The following CACNG2 variants were observed in gnomAD, a reference collection of about 807,000 sequenced individuals.
CACNG2 encodes calcium voltage-gated channel auxiliary subunit gamma 2.
In CACNG2, 3 loss-of-function variants were observed where a neutral mutation model predicts 25.9. The ratio of observed to expected loss-of-function variants is 0.12; its 90% CI spans 0.05 to 0.30. CACNG2 has a LOEUF of 0.30. Among genes scored for constraint, CACNG2 ranks in the 10% least tolerant of loss-of-function variants. The probability of loss-of-function intolerance (pLI) is 1.00; values close to 1 mark genes in which losing one functional copy is unlikely to be tolerated. For missense variants in CACNG2, 341 were observed against 432.5 expected (o/e 0.79, Z 1.88); for synonymous variants, 167 against 173.3 (o/e 0.96, Z 0.29).
chr22:36,696,481 C>T (rs1243279495), intron 1 of CACNG2, among the ~76,000 whole-genome samples: 1 of 152,144 alleles, frequency 6.6e-6, no homozygotes, highest in Non-Finnish European at 1.5e-5. Flanking sequence ...GTGAAGGGAC[C>T]ACCCTTTCTG....
chr22:36,611,643 G>T (rs1935942107), intron 1 of CACNG2, among the ~76,000 whole-genome samples: 1 of 152,116 alleles, frequency 6.6e-6, no homozygotes, highest in Admixed American at 6.5e-5. Context: ...CACTGCTTTG[G>T]TCCCTCCAGC....
intron 1 of CACNG2, among the ~76,000 whole-genome samples, chr22:36,617,864 C>T (rs1936046231): frequency 6.6e-6 from 1 of 151,620 alleles, no homozygotes; most frequent in African/African-American, 2.4e-5. Flanking sequence ...GTGTTGAACA[C>T]CTGCCACATT....
chr22:36,683,527 T>C (rs186738004), intron 1 of CACNG2, among the ~76,000 whole-genome samples: 13 of 152,330 alleles, frequency 8.5e-5, no homozygotes, highest in Non-Finnish European at 1.5e-4. Context: ...ATCCTTTTTG[T>C]CATTATTGTT....
In CACNG2 at chr22:36,634,578, AT is replaced by A. The variant is rs373305407; in HGVS notation, c.212-47031del. 2.5e-4 allele frequency among the ~76,000 whole-genome samples: 38 copies of A among 152,246 alleles called. 1 individual carries two copies. The highest frequency in any genetic ancestry group is 8.7e-4 in the African/African-American group (36 of 41,548). Reference sequence around the variant, plus strand: ...GATACCTTTGCAAAACACTGGTAAAATTTTTTTAGGAGGGTTGAAATAGACT... The same window carrying A: ...GATACCTTTGCAAAACACTGGTAAAATTTTTTAGGAGGGTTGAAATAGACT... On this transcript the variant is annotated intron_variant, in intron 1 of 3. Transcript: ENST00000300105.
At chr22:36,659,199 G>T (rs375189122) in intron 1 of CACNG2, among the ~76,000 whole-genome samples, 1 of 152,164 alleles carries the variant, frequency 6.6e-6, no homozygotes, top group Non-Finnish European at 1.5e-5. Flanking sequence ...AAGCGGGAGG[G>T]TGGGGGCTCT....
rs542559664 is a variant in CACNG2 at position 36,600,174 on chromosome 22, T to C, written c.212-12626A>G. Reference sequence around the variant, plus strand: ...ATCTGAGCCACACTCCCATGGAGTGTTATACCAGTCTTGGATAACTTATCT... The same window carrying C: ...ATCTGAGCCACACTCCCATGGAGTGCTATACCAGTCTTGGATAACTTATCT... On this transcript the variant is annotated intron_variant, in intron 1 of 3. Coordinates refer to ENST00000300105, the MANE Select transcript of CACNG2 (RefSeq NM_006078.5). Among the ~76,000 whole-genome samples the C allele has an allele frequency of 3.9e-5, 6 of 152,352 alleles. No individual in the cohort carries two copies. In the East Asian group the frequency reaches 1.2e-3, roughly 29 times the overall value.
In CACNG2 at chr22:36,583,733, C is replaced by T. The variant is rs73171811; in HGVS notation, c.295+3732G>A. The stretch of plus-strand genomic sequence containing the variant: ...TACACTCTGGTTGCCCCCTCTCCCC[C>T]ATCCTGGGCTCCCTGCCTCTGTTTC... On this transcript the variant is annotated intron_variant, in intron 2 of 3. Transcript: ENST00000300105. Among the ~76,000 whole-genome samples the T allele has an allele frequency of 2.6e-5, 4 of 152,110 alleles. No homozygotes were observed. In the East Asian group the frequency reaches 7.7e-4, roughly 29 times the overall value.
At chr22:36,610,453 G>A (rs1935923290) in intron 1 of CACNG2, among the ~76,000 whole-genome samples, 1 of 152,218 alleles carries the variant, frequency 6.6e-6, no homozygotes, top group Non-Finnish European at 1.5e-5. Flanking sequence ...TGTAAAGAGT[G>A]GTATTGAGAC....
intron 1 of CACNG2, among the ~76,000 whole-genome samples, chr22:36,619,573 A>T (rs906885840): frequency 6.6e-6 from 1 of 152,212 alleles, no homozygotes; most frequent in Non-Finnish European, 1.5e-5. Flanking sequence ...ACCCTCATAC[A>T]TAAAGACCAC....
chr22:36,635,215 C>A (rs570681411), intron 1 of CACNG2, among the ~76,000 whole-genome samples: 1 of 149,136 alleles, frequency 6.7e-6, no homozygotes, highest in African/African-American at 2.5e-5. Flanking sequence ...ACCCGGGAGG[C>A]GGAGCTTGCA....
chr22:36,594,057 T>G (rs1414573889), intron 1 of CACNG2, among the ~76,000 whole-genome samples: 2 of 152,170 alleles, frequency 1.3e-5, no homozygotes, highest in Non-Finnish European at 2.9e-5. Context: ...TCCTTCTGGT[T>G]GGTGGTAATC....
intron 1 of CACNG2, among the ~76,000 whole-genome samples, chr22:36,676,642 C>T (rs542783815): frequency 6.6e-6 from 1 of 152,326 alleles, no homozygotes; most frequent in East Asian, 1.9e-4. Context: ...CTTGCTACAG[C>T]TTTGCTGGCT....
intron 1 of CACNG2, among the ~76,000 whole-genome samples, chr22:36,612,660 C>A (rs1027065529): frequency 6.6e-6 from 1 of 152,220 alleles, no homozygotes; most frequent in African/African-American, 2.4e-5. Flanking sequence ...TGGTCATACG[C>A]TCCACCACGA....
chr22:36,671,689 G>T (rs531900230), intron 1 of CACNG2, among the ~76,000 whole-genome samples: 4 of 152,278 alleles, frequency 2.6e-5, no homozygotes, highest in Admixed American at 2.6e-4. Flanking sequence ...GGTTGACCAT[G>T]TTTCCCAGGA....
intron 1 of CACNG2, among the ~76,000 whole-genome samples, chr22:36,670,310 T>C (rs1319517363): frequency 6.6e-6 from 1 of 152,178 alleles, no homozygotes; most frequent in Non-Finnish European, 1.5e-5. Context: ...ATCCCAGCTT[T>C]TGGGACCTAA....
intron 1 of CACNG2, among the ~76,000 whole-genome samples, chr22:36,676,610 G>C (rs144627663): frequency 6.6e-6 from 1 of 152,194 alleles, no homozygotes; most frequent in South Asian, 2.1e-4. Flanking sequence ...TACCTTCCTC[G>C]TGAGGCTGCT....
In CACNG2 at chr22:36,697,232, G is replaced by A. The variant is rs1215756116; in HGVS notation, c.211+5134C>T. 4.6e-5 allele frequency among the ~76,000 whole-genome samples: 7 copies of A among 152,298 alleles called. No homozygotes were observed. In the East Asian group the frequency reaches 1.2e-3, roughly 25 times the overall value. ...CACAGTCGTCGTCACCCTGAAAGGTGCAAAGCAGCTCAAGATGGCAGCTAG... is the reference window on the plus strand; with the variant it reads ...CACAGTCGTCGTCACCCTGAAAGGTACAAAGCAGCTCAAGATGGCAGCTAG... On this transcript the variant is annotated intron_variant, in intron 1 of 3. Transcript: ENST00000300105.
At chr22:36,640,217 G>C (rs988390903) in intron 1 of CACNG2, among the ~76,000 whole-genome samples, 2 of 152,156 alleles carry the variant, frequency 1.3e-5, no homozygotes, top group Non-Finnish European at 2.9e-5. Flanking sequence ...TCACAGGGGC[G>C]GTTGTGAGGA....
chr22:36,637,885 GGT>G (rs1279080051), intron 1 of CACNG2, among the ~76,000 whole-genome samples: 1 of 152,158 alleles, frequency 6.6e-6, no homozygotes. Context: ...AGTGGGGCAT[GGT>G]GGCAGACACC....
Sources: allele counts gnomAD v4.1 joint callset (sites outside exome capture counted in the v4.1 genomes callset), GRCh38; gene constraint gnomAD v4.1.1; transcripts MANE v1.5; gene names NCBI Gene and HGNC (gene_info 2026-07-23, HGNC 2026-07-21).